TTC6: variants seen among roughly 807,000 people sequenced by gnomAD.
The protein encoded by TTC6 is tetratricopeptide repeat protein 6.
TTC6 carries 172 observed loss-of-function variants against 210.4 expected under a neutral mutation model. That is an observed-to-expected ratio of 0.82 (90% confidence interval 0.72 to 0.93). TTC6 has a LOEUF of 0.93. TTC6 is among the 40% of genes least tolerant of loss of function. The pLI is 0.00. For synonymous variants in TTC6, 804 were observed against 819.6 expected, an observed-to-expected ratio of 0.98 and a Z score of 0.32; for missense variants, 2,414 against 2,318.1, an observed-to-expected ratio of 1.04 and a Z score of -0.85.
intron 5 of TTC6, among the ~76,000 whole-genome samples, 185 bp from the exon 8 acceptor site, chr14:37,714,470 G>T (rs954986854): frequency 6.6e-5 from 10 of 151,700 alleles, no homozygotes; most frequent in African/African-American, 2.2e-4. Context: ...AATGTATTAA[G>T]AACCAGATAT....
chr14:37,625,797 G>A (rs2095659295), intron 1 of TTC6, among the ~76,000 whole-genome samples: 1 of 152,264 alleles, frequency 6.6e-6, no homozygotes, highest in South Asian at 2.1e-4. Context: ...GACTGTCTTT[G>A]TTGAGAGCTT....
rs866449476 is a variant in TTC6, at chr14:37,806,461, C to T, written c.4265C>T (p.Ser1422Leu). 2.6e-5 allele frequency: 40 copies of T among 1,535,174 alleles called. 1 individual carries two copies. In the Admixed American group the frequency reaches 4.1e-4, roughly 16 times the overall value. ...AAAGTGAAACTCCACAAGGATAGCT[C>T]GATTCTGGATTTTAATCGTGCAATT... Residue 1422 changes from serine to leucine, a missense_variant, in exon 22 of 31, where the codon TCG becomes TTG. Coordinates refer to ENST00000553443, the Ensembl canonical transcript of TTC6.
At chr14:37,826,209 C>A (rs1217136960) in exon 28 of TTC6, 2 of 1,593,622 alleles carry the variant, frequency 1.3e-6, no homozygotes, top group Non-Finnish European at 1.7e-6. Context: ...AAGGAAAATT[C>A]CAGAAAGCTT....
intron 10 of TTC6, among the ~76,000 whole-genome samples, chr14:37,745,807 T>C (rs1308123260): frequency 1.3e-5 from 2 of 152,200 alleles, no homozygotes; most frequent in Non-Finnish European, 2.9e-5. Flanking sequence ...GAAAATTCAC[T>C]GTGTATACCT....
At chr14:37,650,892 C>T (rs61988004) in intron 1 of TTC6, among the ~76,000 whole-genome samples, 29,268 of 152,170 alleles carry the variant, frequency 0.19, 3,194 homozygotes, top group South Asian at 0.26. Context: ...AACTATAACG[C>T]TGACCTTGGG....
intron 2 of TTC6, chr14:37,611,130 A>C (rs2095633582): frequency 6.6e-6 from 1 of 152,266 alleles, no homozygotes; most frequent in Non-Finnish European, 1.5e-5. Flanking sequence ...AGGCGGGTGC[A>C]CTTGAGGTGG....
chr14:37,754,521 C>G (rs1464296390), intron 14 of TTC6, among the ~76,000 whole-genome samples: 1 of 152,004 alleles, frequency 6.6e-6, no homozygotes, highest in Admixed American at 6.6e-5. Flanking sequence ...CAACCTCTGC[C>G]TGCTGGGTTC....
intron 3 of TTC6, among the ~76,000 whole-genome samples, chr14:37,688,899 A>G (rs550690914): frequency 1.1e-4 from 17 of 152,302 alleles, no homozygotes; most frequent in Non-Finnish European, 2.1e-4. Context: ...TTCAATGCCA[A>G]GACACAGACA....
intron 29 of TTC6, among the ~76,000 whole-genome samples, chr14:37,835,372 G>A (rs918607885): frequency 5.9e-5 from 9 of 152,048 alleles, no homozygotes; most frequent in African/African-American, 2.2e-4. Context: ...ACCAATTTAT[G>A]CTCCAATGTT....
intron 4 of TTC6, among the ~76,000 whole-genome samples, chr14:37,700,610 G>A (rs2095823159): frequency 6.6e-6 from 1 of 151,808 alleles, no homozygotes; most frequent in Non-Finnish European, 1.5e-5. Context: ...GGGCGTGGTG[G>A]TACGGGCCTG....
chr14:37,782,738 C>T (rs886139094), intron 14 of TTC6, among the ~76,000 whole-genome samples: 8 of 152,252 alleles, frequency 5.3e-5, no homozygotes, highest in Middle Eastern at 3.4e-3. Context: ...AGTTTTTGCC[C>T]ATTCAGTATG....
intron 14 of TTC6, among the ~76,000 whole-genome samples, chr14:37,786,960 C>A (rs1415923970): frequency 1.3e-5 from 2 of 152,138 alleles, no homozygotes; most frequent in Non-Finnish European, 2.9e-5. Flanking sequence ...ATAAAGGAAT[C>A]CAGTTTACAC....
chr14:37,820,828 T>C (rs1408789113), intron 26 of TTC6, among the ~76,000 whole-genome samples: 2 of 152,248 alleles, frequency 1.3e-5, no homozygotes, highest in East Asian at 3.9e-4. Context: ...TATACTATAG[T>C]GAGAAGGCAC....
upstream of TTC6, among the ~76,000 whole-genome samples, chr14:37,618,311 C>T (rs763749762): frequency 6.6e-6 from 1 of 152,174 alleles, no homozygotes; most frequent in Non-Finnish European, 1.5e-5. Flanking sequence ...TGGCTCTTGA[C>T]CCTTCTGACT....
Position 37,756,661 on chromosome 14 carries a change from G to A in TTC6, c.3266+3426G>A, listed in dbSNP as rs542926478. 5.7e-4 allele frequency among the ~76,000 whole-genome samples: 86 copies of A among 152,194 alleles called. 2 individuals are homozygous for A. The South Asian group carries it at 0.016, about 28-fold the overall frequency. ...TGATGGATTACATTAATTTGTTTGC[G>A]TATGTTGAACCAGCCTTGCATCCCA... On this transcript the variant is annotated intron_variant, in intron 14 of 30. Transcript: ENST00000553443.
intron 1 of TTC6, among the ~76,000 whole-genome samples, chr14:37,669,362 GCC>G (rs926142106): frequency 1.3e-5 from 2 of 152,112 alleles, no homozygotes; most frequent in Admixed American, 6.6e-5. Flanking sequence ...GTGTGCACCT[GCC>G]CCAGGGGAAG....
intron 14 of TTC6, among the ~76,000 whole-genome samples, chr14:37,777,495 G>A (rs868295373): frequency 6.6e-6 from 1 of 152,046 alleles, no homozygotes; most frequent in South Asian, 2.1e-4. Context: ...TCTTTTATCT[G>A]CTGTATCATT....
intron 6 of TTC6, among the ~76,000 whole-genome samples, chr14:37,718,470 T>C (rs2095856174): frequency 6.6e-6 from 1 of 152,150 alleles, no homozygotes; most frequent in African/African-American, 2.4e-5. Context: ...TAGTATTTAA[T>C]GGTGAAAGCC....
chr14:37,751,886 C>T (rs962606618), intron 13 of TTC6, among the ~76,000 whole-genome samples: 6 of 137,972 alleles, frequency 4.3e-5, no homozygotes, highest in East Asian at 2.2e-4. Context: ...TGCAGTGGTG[C>T]GATCTCGGCT....
Sources: gnomAD v4.1 joint callset for allele counts (sites outside exome capture counted in the v4.1 genomes callset) on GRCh38, gnomAD v4.1.1 for gene constraint, MANE v1.5 for transcripts, NCBI Gene and HGNC (gene_info 2026-07-23, HGNC 2026-07-21) for gene names.